Variants in IQGAP2 observed in about 807,000 individuals in gnomAD.
IQGAP2 encodes the protein ras GTPase-activating-like protein IQGAP2.
Under a neutral mutation model 201.3 loss-of-function variants are expected in IQGAP2, and 173 were observed. The ratio of observed to expected loss-of-function variants is 0.86; its 90% CI spans 0.76 to 0.98. The LOEUF (loss-of-function observed/expected upper bound fraction) is 0.98, where lower values mean the gene tolerates loss of function less well. IQGAP2 is among the 50% of genes least tolerant of loss of function. The pLI, the probability that IQGAP2 is intolerant of heterozygous loss-of-function variation, is 0.00. For synonymous variants in IQGAP2, 675 were observed against 673.9 expected (o/e 1.00, Z -0.03); for missense variants, 1,687 against 1,864.8 (o/e 0.90, Z 1.76).
chr5:76,674,494 G>A lies in IQGAP2; in HGVS notation c.3312G>A (p.Leu1104=), dbSNP rs1376275742. 1 of 1,613,302 alleles carries A rather than the reference G, an allele frequency of 6.2e-7. No individual in the cohort carries two copies. The highest frequency in any genetic ancestry group is 1.1e-5 in the South Asian group (1 of 91,072). ...CACTCCAGATTGTTGGAAACCTCCT[G>A]TACTATCGGTACATGAATCCAGCCA... The part of the protein sequence containing the change: ...DELLKIVGNL[L]YYRYMNPAIV... The change falls in exon 27 of 36, where the codon CTG becomes CTA. Residue 1104 remains leucine, a synonymous_variant. Transcript: ENST00000274364.
chr5:76,619,813 C>T (rs561706200), intron 13 of IQGAP2, among the ~76,000 whole-genome samples: 4 of 152,176 alleles, frequency 2.6e-5, no homozygotes, highest in Admixed American at 6.5e-5. Flanking sequence ...CCACCGCGCC[C>T]GGCCAGTTAA....
chr5:76,627,934 C>G (rs1750391416), intron 14 of IQGAP2, among the ~76,000 whole-genome samples: 2 of 152,116 alleles, frequency 1.3e-5, no homozygotes, highest in Admixed American at 1.3e-4. Context: ...AATAGACTGG[C>G]AGTCTACTCA....
chr5:76,465,526 C>G (rs1489349970), intron 2 of IQGAP2, among the ~76,000 whole-genome samples: 1 of 152,064 alleles, frequency 6.6e-6, no homozygotes, highest in African/African-American at 2.4e-5. Flanking sequence ...AGATTTTAGC[C>G]AGGCAGTTAG....
intron 5 of IQGAP2, among the ~76,000 whole-genome samples, chr5:76,584,191 A>G (rs754612946): frequency 4.6e-5 from 7 of 152,160 alleles, no homozygotes; most frequent in Non-Finnish European, 2.9e-5. Flanking sequence ...ATTTTTATAT[A>G]GGAGCTGTTC....
intron 2 of IQGAP2, among the ~76,000 whole-genome samples, chr5:76,488,171 C>CT (rs1402225469): frequency 6.6e-6 from 1 of 152,160 alleles, no homozygotes; most frequent in Non-Finnish European, 1.5e-5. Context: ...TTCCTTGGGA[C>CT]TTGGTAACTG....
intron 1 of IQGAP2, among the ~76,000 whole-genome samples, chr5:76,452,848 C>T (rs1317428222): frequency 6.6e-6 from 1 of 151,618 alleles, no homozygotes; most frequent in Non-Finnish European, 1.5e-5. Flanking sequence ...ACTAAATTAG[C>T]TAACCTCTCT....
At chr5:76,487,731 G>A (rs537767975) in intron 2 of IQGAP2, among the ~76,000 whole-genome samples, 12 of 152,210 alleles carry the variant, frequency 7.9e-5, no homozygotes, top group Non-Finnish European at 1.8e-4. Flanking sequence ...ATGGGGTAGG[G>A]GTGCATTGGC....
chr5:76,683,385 T>G (rs969936231), intron 29 of IQGAP2, among the ~76,000 whole-genome samples, 168 bp downstream of exon 29: 5 of 152,206 alleles, frequency 3.3e-5, no homozygotes, highest in African/African-American at 1.2e-4. Flanking sequence ...CAGTAAGAGT[T>G]CTGTAATTAA....
chr5:76,615,574 T>C (rs1047530), intron 13 of IQGAP2: 57,333 of 152,064 alleles, frequency 0.38, 12,303 homozygotes, highest in Non-Finnish European at 0.5. Context: ...ATCTCAGGAA[T>C]CTTTTATGCT....
intron 9 of IQGAP2, among the ~76,000 whole-genome samples, chr5:76,595,620 G>T (rs1186917058): frequency 6.6e-6 from 1 of 151,892 alleles, no homozygotes; most frequent in Non-Finnish European, 1.5e-5. Flanking sequence ...AATTAGCCGG[G>T]TGTGGTGGCA....
intron 14 of IQGAP2, among the ~76,000 whole-genome samples, chr5:76,628,038 T>A (rs6453237): frequency 0.36 from 55,522 of 152,120 alleles, 10,155 homozygotes; most frequent in East Asian, 0.4. Context: ...CCTCAATCAG[T>A]TCCCAGAATG....
Position 76,701,078 on chromosome 5 carries a change from A to G in IQGAP2, c.4370A>G (p.Asn1457Ser). The G allele has an allele frequency of 6.2e-7, 1 of 1,614,122 alleles. No individual in the cohort carries two copies. Among genetic ancestry groups the G allele is most frequent in the Non-Finnish European group, 8.5e-7 (1 of 1,179,970 alleles). ...KTCLDNLKRK[N>S]TRRSIKLDGK... ...ATGTTCTGTTCTTATTTTGTCAGAA[A>G]TACTCGGAGATCAATTAAACTAGAT... is the stretch of plus-strand genomic sequence containing the variant. Residue 1457 changes from asparagine to serine, a missense_variant and splice_region_variant, in exon 34 of 36, where the codon AAT (asparagine) becomes AGT (serine). Transcript: ENST00000274364.
intron 2 of IQGAP2, among the ~76,000 whole-genome samples, chr5:76,508,297 T>C (rs1757734550): frequency 6.6e-6 from 1 of 151,844 alleles, no homozygotes; most frequent in Admixed American, 6.6e-5. Flanking sequence ...CCAGCCTGGG[T>C]GACAGAGCCA....
chr5:76,556,088 G>C (rs1390059829), intron 2 of IQGAP2, among the ~76,000 whole-genome samples: 1 of 152,172 alleles, frequency 6.6e-6, no homozygotes, highest in Non-Finnish European at 1.5e-5. Flanking sequence ...AGAAGAGAGA[G>C]AAACAGCTTC....
At chr5:76,694,357 T>C (rs1746537761) in intron 31 of IQGAP2, among the ~76,000 whole-genome samples, 1 of 152,180 alleles carries the variant, frequency 6.6e-6, no homozygotes, top group Admixed American at 6.6e-5. Flanking sequence ...ACAATGTGGG[T>C]AAAATATTAT....
chr5:76,433,938 T>A (rs1752515735), intron 1 of IQGAP2, among the ~76,000 whole-genome samples: 1 of 152,184 alleles, frequency 6.6e-6, no homozygotes, highest in Admixed American at 6.5e-5. Flanking sequence ...TATGAGGCTA[T>A]AAAACAAACT....
intron 18 of IQGAP2, among the ~76,000 whole-genome samples, chr5:76,653,439 T>G (rs1376523062): frequency 2.6e-5 from 4 of 152,130 alleles, no homozygotes; most frequent in African/African-American, 9.7e-5. Context: ...GCAATGGAAC[T>G]GGAAAGTAGA....
At chr5:76,651,103 G>GAC (rs1298802236) in intron 17 of IQGAP2, among the ~76,000 whole-genome samples, 1 of 152,002 alleles carries the variant, frequency 6.6e-6, no homozygotes, top group Admixed American at 6.6e-5. Context: ...TCCACCGATT[G>GAC]ACATATGGAT....
At position 76,680,875 on chromosome 5, in the gene IQGAP2, C is replaced by G. The variant is rs571443700; in HGVS notation, c.3661-2240C>G. On this transcript the variant is annotated intron_variant, in intron 28 of 35. Transcript: ENST00000274364. ...ATCCCAGCATGTTGGGAGGCTGAAG[C>G]AGGTGGATCACTTGAGGCCAGGAGT... 1.0e-3 allele frequency among the ~76,000 whole-genome samples: 156 copies of G among 148,720 alleles called. 1 individual carries two copies. The highest frequency in any genetic ancestry group is 1.7e-3 in the Non-Finnish European group (113 of 67,316).
Sources: gnomAD v4.1 joint callset for allele counts (sites outside exome capture counted in the v4.1 genomes callset) on GRCh38, gnomAD v4.1.1 for gene constraint, MANE v1.5 for transcripts, NCBI Gene and HGNC (gene_info 2026-07-23, HGNC 2026-07-21) for gene names.